Variants in DACH2 observed in about 807,000 individuals in gnomAD.
DACH2 encodes dachshund homolog 2.
Under a neutral mutation model 35.8 loss-of-function variants are expected in DACH2, and 17 were observed. The observed-to-expected ratio is 0.48, with a 90% CI of 0.33 to 0.71. The LOEUF (loss-of-function observed/expected upper bound fraction) is 0.71, where lower values mean the gene tolerates loss of function less well. DACH2 is among the 30% of genes least tolerant of loss of function. DACH2 has a pLI of 0.02. For synonymous variants in DACH2, 195 were observed against 177.3 expected, an observed-to-expected ratio of 1.10 and a Z score of -0.79; for missense variants, 469 against 472.7, an observed-to-expected ratio of 0.99 and a Z score of 0.07.
At chrX:86,588,182 G>A (rs2039599270) in intron 3 of DACH2, among the ~76,000 whole-genome samples, 1 of 110,345 alleles carries the variant, frequency 9.1e-6, no homozygotes, top group African/African-American at 3.3e-5. Context: ...TCATTGTAGG[G>A]GTGCAGCCTT....
At chrX:86,607,833 G>T (rs2039879894) in intron 3 of DACH2, among the ~76,000 whole-genome samples, 1 of 103,102 alleles carries the variant, frequency 9.7e-6, no homozygotes. Context: ...CTATAAGTGA[G>T]AATATGCAGT....
At chrX:86,408,343 G>A (rs1331697301) in intron 2 of DACH2, among the ~76,000 whole-genome samples, 1 of 111,639 alleles carries the variant, frequency 9.0e-6, no homozygotes, top group Non-Finnish European at 1.9e-5. Flanking sequence ...GTGGATACTG[G>A]AATCAGATAG....
chrX:86,625,304 T>G (rs112405485), intron 3 of DACH2, among the ~76,000 whole-genome samples: 6,092 of 108,162 alleles, frequency 0.056, 417 homozygotes, highest in African/African-American at 0.19. Context: ...TGGCATAAAT[T>G]ATTTAATGGA....
intron 7 of DACH2, among the ~76,000 whole-genome samples, chrX:86,763,749 T>C (rs1473036853): frequency 1.8e-5 from 2 of 112,213 alleles, no homozygotes; most frequent in Non-Finnish European, 3.8e-5. Context: ...GATGTTCTAA[T>C]GACAGGAAAG....
chrX:86,544,004 C>T (rs927785231), intron 3 of DACH2, among the ~76,000 whole-genome samples: 1 of 110,121 alleles, frequency 9.1e-6, no homozygotes, highest in Non-Finnish European at 1.9e-5. Context: ...AAAAAGAATA[C>T]AGTTGCAAGT....
rs778147744 is a variant in DACH2, at chrX:86,816,065, C to A, written c.1716C>A (p.Asn572Lys). Reference protein sequence around the residue: ...DTGIPDIEIENNGTPHDSAAM... With the variant: ...DTGIPDIEIEKNGTPHDSAAM... The stretch of plus-strand genomic sequence containing the variant: ...GAATTCCAGATATTGAAATAGAAAA[C>A]AATGGGACTCCTCATGATAGTGCTG... Residue 572 changes from asparagine to lysine, a missense_variant, in exon 11 of 12, where the codon AAC (asparagine) becomes AAA (lysine). Transcript: ENST00000373125. The A allele has an allele frequency of 8.4e-7, 1 of 1,188,797 alleles. No individual in the cohort carries two copies. Among genetic ancestry groups the A allele is most frequent in the Non-Finnish European group, 1.1e-6 (1 of 884,211 alleles).
At chrX:86,465,812 C>T (rs979096786) in intron 2 of DACH2, among the ~76,000 whole-genome samples, 15 of 111,603 alleles carry the variant, frequency 1.3e-4, no homozygotes, top group Non-Finnish European at 2.6e-4. Flanking sequence ...TTTTCTATAC[C>T]ATGACTCTTC....
chrX:86,213,739 G>A (rs1273370029), intron 1 of DACH2, among the ~76,000 whole-genome samples: 1 of 110,191 alleles, frequency 9.1e-6, no homozygotes, highest in Non-Finnish European at 1.9e-5. Context: ...TTACCACCTC[G>A]TCAGAAATGA....
intron 1 of DACH2, among the ~76,000 whole-genome samples, chrX:86,156,485 A>C (rs1205614193): frequency 8.9e-6 from 1 of 111,743 alleles, no homozygotes. Flanking sequence ...TAAATCCAAT[A>C]TAAAACAATT....
At position 86,737,611 on chromosome X, in the gene DACH2, G is replaced by A. The variant is rs374731721; in HGVS notation, c.1105-2136G>A. Among the ~76,000 whole-genome samples the A allele has an allele frequency of 4.6e-4, 51 of 111,636 alleles. 1 individual carries two copies. Among genetic ancestry groups the A allele is most frequent in the East Asian group, 3.7e-3 (13 of 3,551 alleles). On this transcript the variant is annotated intron_variant, in intron 6 of 11. Coordinates refer to ENST00000373125, the MANE Select transcript of DACH2 (RefSeq NM_053281.3). ...CACAAATTTAGTGGTTTAACACAGT[G>A]CAAATTTATTATCTTGGAGTTCTGT...
intron 2 of DACH2, among the ~76,000 whole-genome samples, chrX:86,488,742 AAAAAT>A (rs1359381833): frequency 1.8e-5 from 2 of 111,737 alleles, no homozygotes; most frequent in Admixed American, 9.6e-5. Flanking sequence ...TTTGTCAATT[AAAAAT>A]AAAATAAAAC....
At chrX:86,176,406 G>A (rs753259971) in intron 1 of DACH2, among the ~76,000 whole-genome samples, 4 of 110,788 alleles carry the variant, frequency 3.6e-5, no homozygotes, top group South Asian at 7.7e-4. Context: ...TGACTGAAGC[G>A]CAGAGGACAA....
intron 1 of DACH2, among the ~76,000 whole-genome samples, chrX:86,200,330 C>A (rs755881660): frequency 2.5e-4 from 28 of 111,215 alleles, no homozygotes; most frequent in Non-Finnish European, 4.3e-4. Flanking sequence ...ACTATAAAAA[C>A]CCTGGAAGAA....
intron 1 of DACH2, among the ~76,000 whole-genome samples, chrX:86,254,677 C>T (rs187317678): frequency 0.032 from 3,167 of 98,486 alleles, 129 homozygotes; most frequent in African/African-American, 0.11. Context: ...TTGTGTGTTT[C>T]GTAAGAATTG....
chrX:86,711,145 G>A (rs954279744), intron 5 of DACH2, among the ~76,000 whole-genome samples: 1 of 112,012 alleles, frequency 8.9e-6, no homozygotes, highest in African/African-American at 3.2e-5. Flanking sequence ...GGAGACCGAG[G>A]CAGGCAGATC....
intron 2 of DACH2, among the ~76,000 whole-genome samples, chrX:86,488,555 A>G (rs1003384682): frequency 1.8e-5 from 2 of 110,602 alleles, no homozygotes; most frequent in African/African-American, 6.6e-5. Flanking sequence ...CTTGAACCAC[A>G]GTTTCATTAT....
intron 1 of DACH2, among the ~76,000 whole-genome samples, chrX:86,285,180 T>G (rs1020954223): frequency 1.8e-5 from 2 of 111,836 alleles, no homozygotes; most frequent in African/African-American, 6.5e-5. Context: ...ATTTCATTTA[T>G]TTTTGTTCTC....
At chrX:86,181,507 A>G (rs1409112603) in intron 1 of DACH2, among the ~76,000 whole-genome samples, 1 of 111,260 alleles carries the variant, frequency 9.0e-6, no homozygotes, top group East Asian at 2.8e-4. Flanking sequence ...CCTGAAAAGG[A>G]CGTGAACTCA....
chrX:86,727,704 C>T (rs866243207), intron 6 of DACH2, among the ~76,000 whole-genome samples: 23 of 110,948 alleles, frequency 2.1e-4, no homozygotes, highest in South Asian at 1.2e-3. Flanking sequence ...GCTCCTGCTC[C>T]GGTCATGTGA....
Sources: gnomAD v4.1 joint callset for allele counts (sites outside exome capture counted in the v4.1 genomes callset) on GRCh38, gnomAD v4.1.1 for gene constraint, MANE v1.5 for transcripts, NCBI Gene and HGNC (gene_info 2026-07-23, HGNC 2026-07-21) for gene names.